Variants in MED12L observed in about 807,000 individuals in gnomAD.
The protein encoded by MED12L is mediator complex subunit 12L.
Under a neutral mutation model 281.3 loss-of-function variants are expected in MED12L, and 60 were observed. The ratio of observed to expected loss-of-function variants is 0.21; its 90% CI spans 0.17 to 0.26. The LOEUF (loss-of-function observed/expected upper bound fraction) is 0.26. MED12L is among the 10% of genes least tolerant of loss of function. The pLI is 1.00. For missense variants in MED12L, 2,146 were observed against 2,680.9 expected, an observed-to-expected ratio of 0.80 and a Z score of 4.41; for synonymous variants, 974 against 987.2, an observed-to-expected ratio of 0.99 and a Z score of 0.25.
intron 39 of MED12L, among the ~76,000 whole-genome samples, chr3:151,397,319 T>G (rs1318514239): frequency 1.3e-5 from 2 of 152,212 alleles, no homozygotes; most frequent in Non-Finnish European, 2.9e-5. Flanking sequence ...TCTCTCATCA[T>G]TCTTCAAGTG....
rs1399037903 is a variant in MED12L at position 151,385,200 on chromosome 3, G to T, written c.5088+9G>T. ...CTATAGATAAAAAACAGGCAAGAGT[G>T]AATGTTTTTTCTTATATATAAATTT... On this transcript the variant is annotated intron_variant, in intron 36 of 44. Transcript: ENST00000687756. 7.9e-7 allele frequency: 1 copy of T among 1,261,796 alleles called. No homozygotes were observed. The highest frequency in any genetic ancestry group is 1.5e-5 in the African/African-American group (1 of 65,308). The allele number at this position is 1,261,796 out of a possible 1,614,324, so 78.2% of individuals were successfully genotyped here.
chr3:151,176,065 T>G (rs998115979), intron 11 of MED12L, among the ~76,000 whole-genome samples: 4 of 152,148 alleles, frequency 2.6e-5, no homozygotes, highest in African/African-American at 9.7e-5. Flanking sequence ...GATATTAAGT[T>G]TCGTTCAGCC....
rs10572929 is a variant in MED12L at position 151,178,157 on chromosome 3, C to CAAAAAAAAAAAAAAAAA, written c.1495-7162_1495-7146dup. On this transcript the variant is annotated intron_variant, in intron 11 of 44. Coordinates refer to ENST00000687756, the MANE Select transcript of MED12L (RefSeq NM_001393769.1). The stretch of plus-strand genomic sequence containing the variant: ...TGGGCAACAGAATGAGACTTGGTCT[C>CAAAAAAAAAAAAAAAAA]AAAAAAAAAAAAAAAAAAAAAAAAA... Among the ~76,000 whole-genome samples the CAAAAAAAAAAAAAAAAA allele has an allele frequency of 2.2e-4, 11 of 49,170 alleles. No individual in the cohort carries two copies. In the East Asian group the frequency reaches 3.2e-3, roughly 14 times the overall value. 32.3% of individuals were successfully genotyped at this position (49,170 alleles called of 152,430 possible).
intron 39 of MED12L, among the ~76,000 whole-genome samples, chr3:151,406,134 TAGTTTGG>T (rs1346504203): frequency 6.6e-6 from 1 of 152,202 alleles, no homozygotes. Context: ...TGTCTTGTCC[TAGTTTGG>T]ATGACATGTT....
At position 151,225,750 on chromosome 3, in the gene MED12L, C is replaced by G. The variant is rs565015541; in HGVS notation, c.2250+32084C>G. On this transcript the variant is annotated intron_variant, in intron 16 of 44. Coordinates refer to ENST00000687756, the MANE Select transcript of MED12L (RefSeq NM_001393769.1). Reference sequence around the variant, plus strand: ...CCCAGAAGAAGGAACTCTCCCACCCCCTATCTTTTTTCATTACCCACAGCA... The same window carrying G: ...CCCAGAAGAAGGAACTCTCCCACCCGCTATCTTTTTTCATTACCCACAGCA... 4.6e-5 allele frequency among the ~76,000 whole-genome samples: 7 copies of G among 152,230 alleles called. No individual in the cohort carries two copies. In the South Asian group the frequency reaches 1.5e-3, roughly 32 times the overall value.
chr3:151,256,327 A>C (rs557439571), intron 16 of MED12L, among the ~76,000 whole-genome samples: 1 of 152,200 alleles, frequency 6.6e-6, no homozygotes, highest in East Asian at 1.9e-4. Flanking sequence ...TCGGAGCTTT[A>C]CATTTTTGCC....
rs62785262 is a variant in MED12L, at chr3:151,129,715, TTGTGTGTGTGTG to T, written c.556+1755_556+1766del. On this transcript the variant is annotated intron_variant, in intron 5 of 44. Coordinates refer to ENST00000687756, the MANE Select transcript of MED12L (RefSeq NM_001393769.1). ...CACATATTTCTTCATATATCTACAT[TTGTGTGTGTGTG>T]TGTGTGTGTGTGTGTGTGTGTGTAT... Among the ~76,000 whole-genome samples the T allele has an allele frequency of 3.5e-3, 515 of 147,646 alleles. 1 individual carries two copies. The highest frequency in any genetic ancestry group is 0.012 in the African/African-American group (489 of 40,122).
At chr3:151,116,201 C>G in intron 2 of MED12L, 137 bp from the exon 3 acceptor site, 2 of 586,330 alleles carry the variant, frequency 3.4e-6, no homozygotes, top group South Asian at 4.5e-5. Flanking sequence ...TCAATTTCTG[C>G]CTTCTCTGAT....
intron 16 of MED12L, among the ~76,000 whole-genome samples, chr3:151,196,469 C>T (rs541668060): frequency 6.6e-6 from 1 of 152,200 alleles, no homozygotes; most frequent in South Asian, 2.1e-4. Context: ...CCCCATCTGT[C>T]ATATGGGGCC....
intron 32 of MED12L, among the ~76,000 whole-genome samples, chr3:151,381,703 G>T (rs955772317): frequency 6.6e-6 from 1 of 152,108 alleles, no homozygotes; most frequent in African/African-American, 2.4e-5. Flanking sequence ...CAAACCACTT[G>T]TTACACTTAG....
intron 7 of MED12L, 47 bp downstream of exon 7, chr3:151,158,846 T>C (rs757072552): frequency 2.4e-6 from 3 of 1,225,524 alleles, no homozygotes; most frequent in Admixed American, 3.5e-5. Context: ...GGGCAAGAAA[T>C]GAGCCTGATA....
intron 20 of MED12L, among the ~76,000 whole-genome samples, chr3:151,357,629 G>A (rs1754089786): frequency 6.6e-6 from 1 of 152,006 alleles, no homozygotes; most frequent in East Asian, 1.9e-4. Context: ...TAAGTACAAA[G>A]CTAGTCATTT....
chr3:151,349,924 G>A, intron 16 of MED12L, 135 bp from the exon 17 acceptor site: 1 of 604,966 alleles, frequency 1.7e-6, no homozygotes, highest in Non-Finnish European at 2.7e-6. Context: ...TGGAGGTTGA[G>A]GTGAATTGAA....
intron 17 of MED12L, among the ~76,000 whole-genome samples, chr3:151,354,123 A>G: frequency 7.8e-6 from 1 of 128,164 alleles, no homozygotes; most frequent in Admixed American, 8.9e-5. Context: ...CCTGGGCGAC[A>G]GAGCGAGACT....
At chr3:151,230,602 C>T (rs1731475758) in intron 16 of MED12L, among the ~76,000 whole-genome samples, 1 of 149,480 alleles carries the variant, frequency 6.7e-6, no homozygotes, top group South Asian at 2.1e-4. Context: ...ACTTCCACTT[C>T]CTTCTAATGT....
chr3:151,412,957 C>T (rs1717127825), intron 41 of MED12L, among the ~76,000 whole-genome samples, 182 bp from the exon 42 acceptor site: 1 of 152,330 alleles, frequency 6.6e-6, no homozygotes, highest in South Asian at 2.1e-4. Flanking sequence ...CATGTGCTTG[C>T]TGTACTTTTT....
intron 17 of MED12L, among the ~76,000 whole-genome samples, chr3:151,352,492 G>T (rs1753357447): frequency 6.6e-6 from 1 of 152,168 alleles, no homozygotes; most frequent in Non-Finnish European, 1.5e-5. Flanking sequence ...AAAACTTAGT[G>T]TAAGCACCAG....
chr3:151,418,635 T>C (rs9876912), intron 43 of MED12L, among the ~76,000 whole-genome samples: 20,298 of 152,186 alleles, frequency 0.13, 1,880 homozygotes, highest in East Asian at 0.43. Flanking sequence ...AGGATATACA[T>C]TGTTGGTGAT....
chr3:151,424,881 G>T (rs1485004291), intron 43 of MED12L, among the ~76,000 whole-genome samples: 1 of 152,156 alleles, frequency 6.6e-6, no homozygotes, highest in Non-Finnish European at 1.5e-5. Flanking sequence ...CTGTCAGTTG[G>T]TAGTGCAGTT....
Sources: gnomAD v4.1 joint callset for allele counts (sites outside exome capture counted in the v4.1 genomes callset) on GRCh38, gnomAD v4.1.1 for gene constraint, MANE v1.5 for transcripts, NCBI Gene and HGNC (gene_info 2026-07-23, HGNC 2026-07-21) for gene names.